The following MAP3K19 variants were observed in gnomAD, a reference collection of about 807,000 sequenced individuals.
MAP3K19 encodes the protein SPS1/STE20-related protein kinase YSK4.
MAP3K19 carries 91 observed loss-of-function variants against 114.4 expected under a neutral mutation model. The observed-to-expected ratio is 0.80, with a 90% CI of 0.67 to 0.95. MAP3K19 has a LOEUF of 0.95. MAP3K19 is among the 40% of genes least tolerant of loss of function. The pLI is 0.00. For missense variants in MAP3K19, 1,471 were observed against 1,573.2 expected, an observed-to-expected ratio of 0.94 and a Z score of 1.10; for synonymous variants, 518 against 530.5, an observed-to-expected ratio of 0.98 and a Z score of 0.32.
chr2:134,985,179 C>T (rs1685006320), intron 10 of MAP3K19, among the ~76,000 whole-genome samples: 1 of 152,198 alleles, frequency 6.6e-6, no homozygotes, highest in South Asian at 2.1e-4. Flanking sequence ...TTTTAAAAAT[C>T]TTATTTCAGG....
At position 134,997,291 on chromosome 2, in the gene MAP3K19, C is replaced by T. The variant is rs74495410; in HGVS notation, c.574+1447G>A. The stretch of plus-strand genomic sequence containing the variant: ...ATAAAAGACCTAGAATAGTCAAATT[C>T]GTATTGAGACAGAAAATAGAATAGT... On this transcript the variant is annotated intron_variant, in intron 8 of 12. Coordinates refer to ENST00000392915, the MANE Select transcript of MAP3K19 (RefSeq NM_025052.5). 0.031 allele frequency among the ~76,000 whole-genome samples: 4,647 copies of T among 152,108 alleles called. 426 individuals are homozygous for T. In the East Asian group the frequency reaches 0.38, roughly 13 times the overall value.
Position 134,981,297 on chromosome 2 carries a change from G to A in MAP3K19, c.3444C>T (p.Ile1148=), listed in dbSNP as rs998222214. ...GCCCAAAACGGTTTATAATACTAGA[G>A]ATTGAGCCACCAGGAACAAACTCCA... ...IFMEFVPGGS[I]SSIINRFGPL... The change falls in exon 12 of 13, where the codon ATC becomes ATT. Residue 1148 remains isoleucine (I), a synonymous_variant. Transcript: ENST00000392915. The A allele has an allele frequency of 6.2e-7, 1 of 1,614,224 alleles. No homozygotes were observed.
At chr2:135,005,830 C>T (rs1686774629) in intron 5 of MAP3K19, among the ~76,000 whole-genome samples, 1 of 152,096 alleles carries the variant, frequency 6.6e-6, no homozygotes, top group African/African-American at 2.4e-5. Context: ...GCTAAGCTGC[C>T]CCAAATTCCA....
chr2:135,039,471 G>C (rs971099870), intron 2 of MAP3K19, among the ~76,000 whole-genome samples: 47 of 151,806 alleles, frequency 3.1e-4, no homozygotes, highest in African/African-American at 1.1e-3. Flanking sequence ...AATTTCCAGC[G>C]ACTTGGGAGA....
chr2:134,969,373 G>A (rs1340369028), intron 12 of MAP3K19, among the ~76,000 whole-genome samples: 1 of 152,004 alleles, frequency 6.6e-6, no homozygotes, highest in Non-Finnish European at 1.5e-5. Flanking sequence ...CGTGGGGAGA[G>A]GGAGACGAGA....
At chr2:134,979,444 G>A (rs987047982) in intron 12 of MAP3K19, among the ~76,000 whole-genome samples, 3 of 25,294 alleles carry the variant, frequency 1.2e-4, no homozygotes, top group Non-Finnish European at 1.6e-4. Context: ...AAAGTGCTTC[G>A]TGTGTGTGTG....
intron 12 of MAP3K19, among the ~76,000 whole-genome samples, chr2:134,968,116 C>T (rs996482316): frequency 6.6e-6 from 1 of 152,246 alleles, no homozygotes; most frequent in East Asian, 1.9e-4. Flanking sequence ...CTTGCACCGC[C>T]CCTAATCCAT....
At chr2:135,003,478 C>T (rs1216259574) in intron 6 of MAP3K19, among the ~76,000 whole-genome samples, 2 of 152,162 alleles carry the variant, frequency 1.3e-5, no homozygotes, top group Admixed American at 1.3e-4. Context: ...CTCATGAAAA[C>T]AGTAAATTTG....
At chr2:134,991,712 C>T (rs1573965315) in intron 8 of MAP3K19, 132 bp from the exon 9 acceptor site, 1 of 716,758 alleles carries the variant, frequency 1.4e-6, no homozygotes. Flanking sequence ...GAGGTTTCCC[C>T]TGTGGAATTC....
At chr2:134,994,449 G>T (rs1317867178) in intron 8 of MAP3K19, among the ~76,000 whole-genome samples, 1 of 152,184 alleles carries the variant, frequency 6.6e-6, no homozygotes, top group Non-Finnish European at 1.5e-5. Flanking sequence ...TCCTTTCCTG[G>T]CAGTTGGCTG....
At chr2:135,042,518 A>AG in intron 1 of MAP3K19, among the ~76,000 whole-genome samples, 1 of 149,796 alleles carries the variant, frequency 6.7e-6, no homozygotes, top group East Asian at 1.9e-4. Flanking sequence ...AAAAAAAAAA[A>AG]AGAAAAAAGA....
intron 6 of MAP3K19, among the ~76,000 whole-genome samples, chr2:135,000,480 G>A (rs898904822): frequency 2.6e-5 from 4 of 152,132 alleles, no homozygotes; most frequent in Admixed American, 6.5e-5. Context: ...TATAGAATAC[G>A]CGCTTGCTCA....
chr2:135,025,850 T>G lies in MAP3K19; in HGVS notation c.-94-1109A>C, dbSNP rs79777967. Among the ~76,000 whole-genome samples, 1,076 of 152,254 alleles carry G rather than the reference T, an allele frequency of 7.1e-3. 12 individuals are homozygous for G. The highest frequency in any genetic ancestry group is 0.024 in the African/African-American group (1,006 of 41,534). ...TTGTACTGAACCCTTGCATTAGATA[T>G]CAGCTCAGAGAAATCCAAAGTTAAA... On this transcript the variant is annotated intron_variant, in intron 3 of 12. Transcript: ENST00000392915.
chr2:134,967,427 G>A (rs548590996), intron 12 of MAP3K19, among the ~76,000 whole-genome samples: 4 of 152,340 alleles, frequency 2.6e-5, no homozygotes, highest in South Asian at 2.1e-4. Context: ...CTGCCTGCCC[G>A]TGGGAACTGA....
chr2:134,981,603 T>A, intron 11 of MAP3K19, 85 bp from the exon 12 acceptor site: 1 of 1,036,176 alleles, frequency 9.7e-7, no homozygotes, highest in Admixed American at 2.3e-5. Context: ...TGACTTTCCC[T>A]TCTCTTTCTA....
chr2:134,992,771 G>C (rs1229815371), intron 8 of MAP3K19, among the ~76,000 whole-genome samples: 1 of 152,010 alleles, frequency 6.6e-6, no homozygotes, highest in Admixed American at 6.6e-5. Context: ...CTGGGTTCAA[G>C]CAATTCTCCT....
intron 12 of MAP3K19, among the ~76,000 whole-genome samples, chr2:134,969,054 GGCACCATT>G (rs1278250398): frequency 4.6e-5 from 7 of 152,212 alleles, no homozygotes; most frequent in African/African-American, 9.7e-5. Context: ...CTCCAGCCTG[GGCACCATT>G]GAGCACTGAG....
intron 8 of MAP3K19, among the ~76,000 whole-genome samples, chr2:134,998,485 A>G (rs1462881508): frequency 6.6e-6 from 1 of 152,254 alleles, no homozygotes; most frequent in Non-Finnish European, 1.5e-5. Context: ...TATTCCTTGA[A>G]CAAATATATA....
intron 4 of MAP3K19, 91 bp from the exon 5 acceptor site, chr2:135,021,921 C>T: frequency 1.4e-6 from 1 of 731,038 alleles, no homozygotes; most frequent in South Asian, 2.2e-5. Context: ...AAATCAGCTC[C>T]ATTTTGTCAA....
Sources: gnomAD v4.1 joint callset for allele counts (sites outside exome capture counted in the v4.1 genomes callset) on GRCh38, gnomAD v4.1.1 for gene constraint, MANE v1.5 for transcripts, NCBI Gene and HGNC (gene_info 2026-07-23, HGNC 2026-07-21) for gene names.